DMD: variants seen among roughly 807,000 people sequenced by gnomAD.
DMD encodes mutant dystrophin.
A neutral mutation model predicts 330.1 loss-of-function variants in DMD; 63 were observed. The ratio of observed to expected loss-of-function variants is 0.19; its 90% CI spans 0.16 to 0.24. The LOEUF is 0.24. Ranked by LOEUF, DMD falls within the 10% of genes least tolerant of loss-of-function variation. The pLI, the probability that DMD is intolerant of heterozygous loss-of-function variation, is 1.00. For missense variants in DMD, 3,344 were observed against 2,684.1 expected, an observed-to-expected ratio of 1.25 and a Z score of -5.43; for synonymous variants, 1,223 against 959.8, an observed-to-expected ratio of 1.27 and a Z score of -5.07.
At chrX:31,853,946 T>C (rs1201697643) in intron 48 of DMD, among the ~76,000 whole-genome samples, 2 of 111,911 alleles carry the variant, frequency 1.8e-5, no homozygotes, top group African/African-American at 6.5e-5. Context: ...GTTTCCTTCC[T>C]GTGCACCTGA....
At chrX:32,618,935 A>C (rs1201674930) in intron 11 of DMD, among the ~76,000 whole-genome samples, 1 of 111,508 alleles carries the variant, frequency 9.0e-6, no homozygotes, top group Non-Finnish European at 1.9e-5. Context: ...CAAAACTACA[A>C]TATGATACAA....
intron 32 of DMD, among the ~76,000 whole-genome samples, chrX:32,388,466 T>C (rs2097976055): frequency 9.2e-6 from 1 of 108,355 alleles, no homozygotes; most frequent in Non-Finnish European, 1.9e-5. Context: ...GGGGTGAGAA[T>C]AATTAAAGTA....
intron 55 of DMD, among the ~76,000 whole-genome samples, chrX:31,529,463 C>G (rs770929827): frequency 1.8e-5 from 2 of 111,406 alleles, no homozygotes; most frequent in South Asian, 7.5e-4. Context: ...CTGGGACAGC[C>G]GGAGACAAAT....
rs760311326 is a variant in DMD, at chrX:31,511,398, T to C, written c.8218-3945A>G. Among the ~76,000 whole-genome samples the C allele has an allele frequency of 5.9e-3, 626 of 105,461 alleles. 4 individuals carry two copies. The highest frequency in any genetic ancestry group is 0.01 in the Non-Finnish European group (521 of 51,519). The allele number at this position is 105,461 out of a possible 115,157, so 91.6% of individuals were successfully genotyped here. A position where few individuals can be genotyped will look rare whatever the true frequency, so the allele number is the denominator to read the frequency against. On this transcript the variant is annotated intron_variant, in intron 55 of 78. Transcript: ENST00000357033. ...GCACAACGTGCAGGTTAGTTACATA[T>C]GTATACATGTGCCATGCTGGTGCGC...
At chrX:32,991,655 A>C (rs183201761) in intron 2 of DMD, among the ~76,000 whole-genome samples, 1 of 112,132 alleles carries the variant, frequency 8.9e-6, no homozygotes, top group Admixed American at 9.5e-5. Flanking sequence ...TTATTGGTAC[A>C]TATGTCATAT....
At chrX:32,237,210 T>G (rs1364067271) in intron 43 of DMD, among the ~76,000 whole-genome samples, 1 of 111,827 alleles carries the variant, frequency 8.9e-6, no homozygotes, top group Non-Finnish European at 1.9e-5. Context: ...CAATTTACCA[T>G]TTTTATGTTT....
chrX:33,023,631 T>C (rs1349431674), intron 1 of DMD, among the ~76,000 whole-genome samples: 1 of 112,111 alleles, frequency 8.9e-6, no homozygotes, highest in African/African-American at 3.2e-5. Context: ...GTTCCTATTT[T>C]TGTCAAAATA....
chrX:31,863,298 A>G (rs371971793), intron 48 of DMD, among the ~76,000 whole-genome samples: 29 of 112,347 alleles, frequency 2.6e-4, no homozygotes, highest in African/African-American at 8.7e-4. Context: ...AGCTGAGATC[A>G]CGCCACTGCA....
rs187967280 is a variant in DMD at position 31,984,515 on chromosome X, C to T, written c.6439-16001G>A. ...TTGAACTTAATGAAAATTCTGTCCA[C>T]TATCAATCAAATAGATCTTTTCTCT... On this transcript the variant is annotated intron_variant, in intron 44 of 78. Transcript: ENST00000357033. Among the ~76,000 whole-genome samples the T allele has an allele frequency of 6.9e-4, 77 of 112,244 alleles. 1 individual carries two copies. In the Admixed American group the frequency reaches 7.1e-3, roughly 10 times the overall value.
intron 2 of DMD, among the ~76,000 whole-genome samples, chrX:32,987,038 T>C (rs186764489): frequency 8.9e-6 from 1 of 112,598 alleles, no homozygotes; most frequent in African/African-American, 3.2e-5. Flanking sequence ...TTCTGATATC[T>C]TTCTGTCTAC....
intron 63 of DMD, among the ~76,000 whole-genome samples, chrX:31,234,347 T>A (rs770506850): frequency 8.9e-6 from 1 of 112,774 alleles, no homozygotes; most frequent in African/African-American, 3.2e-5. Context: ...TTACTGGGTT[T>A]TCCCAAAACT....
chrX:32,806,700 C>G (rs1475883634), intron 7 of DMD, among the ~76,000 whole-genome samples: 1 of 111,498 alleles, frequency 9.0e-6, no homozygotes, highest in Non-Finnish European at 1.9e-5. Context: ...AGAAGTAAAA[C>G]ACTCCTCAGC....
chrX:32,326,920 A>T lies in DMD; in HGVS notation c.5922+15180T>A, dbSNP rs796515787. Among the ~76,000 whole-genome samples the T allele has an allele frequency of 9.0e-5, 9 of 99,550 alleles. 1 individual carries two copies. The highest frequency in any genetic ancestry group is 1.7e-4 in the Non-Finnish European group (8 of 47,780). The allele number at this position is 99,550 out of a possible 115,157, so 86.4% of individuals were successfully genotyped here. A position where few individuals can be genotyped will look rare whatever the true frequency, so the allele number is the denominator to read the frequency against. On this transcript the variant is annotated intron_variant, in intron 41 of 78. Transcript: ENST00000357033. Reference sequence around the variant, plus strand: ...AGAATCTGTCTCAAAAAAAAAAAAAAAGTATTTACCTAACTATATGAATAA... The same window carrying T: ...AGAATCTGTCTCAAAAAAAAAAAAATAGTATTTACCTAACTATATGAATAA...
At chrX:32,010,295 A>G (rs913479949) in intron 44 of DMD, among the ~76,000 whole-genome samples, 1 of 112,027 alleles carries the variant, frequency 8.9e-6, no homozygotes, top group African/African-American at 3.2e-5. Context: ...GGTAATGAAA[A>G]TAACTATACA....
intron 61 of DMD, among the ~76,000 whole-genome samples, chrX:31,329,993 A>T (rs2057023222): frequency 9.6e-6 from 1 of 104,105 alleles, no homozygotes; most frequent in South Asian, 4.4e-4. Flanking sequence ...AAAAAAAAAA[A>T]AAAAAAGAGG....
intron 1 of DMD, among the ~76,000 whole-genome samples, chrX:33,266,237 C>G (rs1200407269): frequency 9.0e-6 from 1 of 111,572 alleles, no homozygotes; most frequent in Non-Finnish European, 1.9e-5. Flanking sequence ...CTAAAGATAG[C>G]TGACAAGGCT....
At chrX:32,756,223 A>T (rs1190927648) in intron 7 of DMD, 2 of 112,335 alleles carry the variant, frequency 1.8e-5, no homozygotes, top group African/African-American at 3.2e-5. Context: ...AAAAAAGTTT[A>T]AAAATATTTT....
chrX:31,740,021 A>T (rs902540176), intron 51 of DMD, among the ~76,000 whole-genome samples: 6 of 110,604 alleles, frequency 5.4e-5, no homozygotes, highest in Non-Finnish European at 1.1e-4. Context: ...GGATTGATTT[A>T]CTTGTCATTT....
intron 17 of DMD, among the ~76,000 whole-genome samples, chrX:32,519,263 TA>T (rs201722710): frequency 0.016 from 1,129 of 69,213 alleles, 18 homozygotes; most frequent in Admixed American, 0.076. Flanking sequence ...AAGTGGAATC[TA>T]AAAAAAAAAA....
Sources: allele counts gnomAD v4.1 joint callset (sites outside exome capture counted in the v4.1 genomes callset), GRCh38; gene constraint gnomAD v4.1.1; transcripts MANE v1.5; gene names NCBI Gene and HGNC (gene_info 2026-07-23, HGNC 2026-07-21).